The following MRPL34 variants were observed in gnomAD, a reference collection of about 807,000 sequenced individuals.
MRPL34 encodes mitochondrial ribosomal protein L34, also known as large ribosomal subunit protein bL34m.
Under a neutral mutation model 6.7 loss-of-function variants are expected in MRPL34, and 8 were observed. The ratio of observed to expected loss-of-function variants is 1.20; its 90% CI spans 0.70 to 2.16. MRPL34 has a LOEUF of 2.16. Ranked by LOEUF, MRPL34 falls within the 30% of genes most tolerant of loss-of-function variation. MRPL34 has a pLI of 0.00. For missense variants in MRPL34, 146 were observed against 125.5 expected, an observed-to-expected ratio of 1.16 and a Z score of -0.78; for synonymous variants, 59 against 55.1, an observed-to-expected ratio of 1.07 and a Z score of -0.31.
upstream of MRPL34, chr19:17,305,580 A>C: frequency 1.1e-5 from 4 of 363,262 alleles, no homozygotes; most frequent in Non-Finnish European, 1.5e-5. Context: ...TCTGCCGGTC[A>C]ATAGGAGAGA....
At chr19:17,294,869 A>T in intron 1 of MRPL34, 1 of 1,608,076 alleles carries the variant, frequency 6.2e-7, no homozygotes. Context: ...GTGGGGTGAT[A>T]GGAGGATTGA....
intron 1 of MRPL34, chr19:17,294,592 A>G: frequency 6.2e-7 from 1 of 1,607,422 alleles, no homozygotes; most frequent in South Asian, 1.1e-5. Flanking sequence ...TCCCAGCGGT[A>G]CAGTCCCCCC....
chr19:17,299,868 G>A (rs922613664), upstream of MRPL34, among the ~76,000 whole-genome samples: 5 of 151,318 alleles, frequency 3.3e-5, no homozygotes, highest in Non-Finnish European at 2.9e-5. Flanking sequence ...ACAAAGTGCT[G>A]GGATTACAAA....
At chr19:17,298,051 A>G (rs1180524611), upstream of MRPL34, 4 of 151,750 alleles carry the variant, frequency 2.6e-5, no homozygotes, top group Non-Finnish European at 5.9e-5. Context: ...AGTAGCTGGG[A>G]CTACAGGCGC....
At chr19:17,294,238 G>T in intron 1 of MRPL34, 1 of 1,574,346 alleles carries the variant, frequency 6.4e-7, no homozygotes, top group Non-Finnish European at 8.6e-7. Context: ...CCCCTCCCGG[G>T]CAGCACCCTG....
chr19:17,301,726 A>G, upstream of MRPL34: 1 of 1,338,632 alleles, frequency 7.5e-7, no homozygotes, highest in Non-Finnish European at 9.7e-7. Flanking sequence ...TTTAGACTCC[A>G]GTTTGGGGAG....
upstream of MRPL34, chr19:17,300,796 G>A (rs1305503136): frequency 3.3e-6 from 5 of 1,510,976 alleles, no homozygotes; most frequent in East Asian, 9.1e-5. Flanking sequence ...AGTATTTTGT[G>A]ACTGTAGTCC....
chr19:17,294,693 A>G, intron 1 of MRPL34: 1 of 1,614,062 alleles, frequency 6.2e-7, no homozygotes, highest in Non-Finnish European at 8.5e-7. Context: ...GCTCCAGGCC[A>G]GGCAGGGCGA....
chr19:17,296,338 G>A (rs1025137080), intron 1 of MRPL34: 3 of 152,212 alleles, frequency 2.0e-5, no homozygotes, highest in African/African-American at 7.2e-5. Flanking sequence ...ATAGATATGA[G>A]CCACTGTGCC....
chr19:17,305,792 G>T (rs375703549), upstream of MRPL34: 26 of 1,272,390 alleles, frequency 2.0e-5, no homozygotes, highest in East Asian at 3.7e-4. Context: ...TTTTTTGCAC[G>T]TTAGGAGAAA....
intron 1 of MRPL34, among the ~76,000 whole-genome samples, chr19:17,293,098 CTTTT>C (rs71334701): frequency 7.4e-6 from 1 of 136,002 alleles, no homozygotes. Context: ...TCTTTTCTTT[CTTTT>C]TTTTTTTTTT....
chr19:17,299,088 G>A (rs1293839571), upstream of MRPL34, among the ~76,000 whole-genome samples: 2 of 152,062 alleles, frequency 1.3e-5, no homozygotes, highest in South Asian at 2.1e-4. Context: ...CAGTGATGAC[G>A]GAAATCCCTG....
intron 1 of MRPL34, among the ~76,000 whole-genome samples, chr19:17,295,062 T>C (rs989132242): frequency 6.7e-6 from 1 of 150,220 alleles, no homozygotes; most frequent in Non-Finnish European, 1.5e-5. Flanking sequence ...TAGCTGAGAT[T>C]GCAGGCGCAC....
upstream of MRPL34, chr19:17,301,388 G>A (rs1363521448): frequency 3.1e-6 from 5 of 1,611,466 alleles, no homozygotes; most frequent in South Asian, 2.2e-5. Context: ...CGCTGACAGC[G>A]GACCAAGCCG....
chr19:17,305,806 C>T, upstream of MRPL34: 2 of 1,375,620 alleles, frequency 1.5e-6, no homozygotes, highest in East Asian at 2.3e-5. Flanking sequence ...GGAGAAACTA[C>T]ATTTCCCATA....
chr19:17,300,329 A>T (rs1240184631), upstream of MRPL34, among the ~76,000 whole-genome samples: 1 of 149,686 alleles, frequency 6.7e-6, no homozygotes, highest in African/African-American at 2.5e-5. Flanking sequence ...CTCAGCCCTT[A>T]AGTAGGTGGA....
Position 17,305,973 on chromosome 19 carries a change from G to T in MRPL34, c.65+16G>T. The T allele has an allele frequency of 6.2e-7, 1 of 1,613,984 alleles. No individual in the cohort carries two copies. The highest frequency in any genetic ancestry group is 8.5e-7 in the Non-Finnish European group (1 of 1,179,918). The stretch of plus-strand genomic sequence containing the variant: ...TGGGTGGCAGGTAAGTCCTCAGGGG[G>T]ACCCTTCCCCAAATCAGGGAATAAG... On this transcript the variant is annotated intron_variant, in intron 1 of 1. Coordinates refer to ENST00000252602, the MANE Select transcript of MRPL34 (RefSeq NM_023937.4).
chr19:17,301,101 G>A, upstream of MRPL34: 5 of 1,613,356 alleles, frequency 3.1e-6, no homozygotes, highest in South Asian at 1.1e-5. Flanking sequence ...CGTCGGCCTG[G>A]GCGCCTTTGC....
intron 1 of MRPL34, among the ~76,000 whole-genome samples, chr19:17,293,684 G>GT (rs1473626694): frequency 3.2e-4 from 18 of 56,752 alleles, no homozygotes; most frequent in South Asian, 2.2e-3. Context: ...TACTTTAATG[G>GT]TTTTTGTTTT....
Sources: gnomAD v4.1 joint callset for allele counts (sites outside exome capture counted in the v4.1 genomes callset) on GRCh38, gnomAD v4.1.1 for gene constraint, MANE v1.5 for transcripts, NCBI Gene and HGNC (gene_info 2026-07-23, HGNC 2026-07-21) for gene names.